The following ST3GAL3 variants were observed in gnomAD, a reference collection of about 807,000 sequenced individuals.
ST3GAL3 encodes ST3 beta-galactoside alpha-2,3-sialyltransferase 3.
Under a neutral mutation model 50.1 loss-of-function variants are expected in ST3GAL3, and 21 were observed. That is an observed-to-expected ratio of 0.42 (90% CI 0.30 to 0.60). The LOEUF (loss-of-function observed/expected upper bound fraction) is 0.60, where lower values mean the gene tolerates loss of function less well. ST3GAL3 is among the 20% of genes least tolerant of loss of function. The pLI, the probability that ST3GAL3 is intolerant of heterozygous loss-of-function variation, is 0.19. For missense variants in ST3GAL3, 353 were observed against 489.4 expected (o/e 0.72, Z 2.63); for synonymous variants, 183 against 190.0 (o/e 0.96, Z 0.30).
rs762480397 is a variant in ST3GAL3, at chr1:43,920,877, C to T, written c.987C>T (p.Pro329=). The change falls in exon 11 of 12, where the codon CCC becomes CCT. Residue 329 remains proline, a synonymous_variant. Transcript: ENST00000347631. ...GATTTGGCTATGACATGAGCACACCCAACGCACCCCTGCACTACTATGAGA... is the reference window on the plus strand; with the variant it reads ...GATTTGGCTATGACATGAGCACACCTAACGCACCCCTGCACTACTATGAGA... ...VAGFGYDMST[P]NAPLHYYETV... is the part of the protein sequence containing the mutation. 1.9e-6 allele frequency: 3 copies of T among 1,614,004 alleles called. No individual in the cohort carries two copies. In the African/African-American group the frequency reaches 4.0e-5, roughly 22 times the overall value.
intron 11 of ST3GAL3, among the ~76,000 whole-genome samples, chr1:43,924,667 G>T (rs532910225): frequency 6.6e-6 from 1 of 152,226 alleles, no homozygotes; most frequent in Non-Finnish European, 1.5e-5. Flanking sequence ...TCCTGAACCA[G>T]ATCTTTGGCT....
intron 9 of ST3GAL3, among the ~76,000 whole-genome samples, chr1:43,917,861 G>A (rs919684104): frequency 6.8e-6 from 1 of 147,782 alleles, no homozygotes; most frequent in African/African-American, 2.5e-5. Context: ...GTAGAAACGG[G>A]GTTTCACCAT....
chr1:43,806,054 G>A lies in ST3GAL3; in HGVS notation c.167-8837G>A, dbSNP rs568232198. Among the ~76,000 whole-genome samples the A allele has an allele frequency of 2.6e-5, 4 of 152,186 alleles. No homozygotes were observed. In the South Asian group the frequency reaches 8.3e-4, roughly 32 times the overall value. ...CGGCAAGGAATACTTTTCTAAAAGAGGGCCTTCGAACTAGGGTCTAAAGAA... is the reference window on the plus strand; with the variant it reads ...CGGCAAGGAATACTTTTCTAAAAGAAGGCCTTCGAACTAGGGTCTAAAGAA... On this transcript the variant is annotated intron_variant, in intron 3 of 11. Coordinates refer to ENST00000347631, the MANE Select transcript of ST3GAL3 (RefSeq NM_006279.5).
At chr1:43,763,469 G>A (rs1572371415) in intron 2 of ST3GAL3, among the ~76,000 whole-genome samples, 1 of 152,302 alleles carries the variant, frequency 6.6e-6, no homozygotes, top group East Asian at 1.9e-4. Flanking sequence ...GCATGGAGGA[G>A]TGGCGGATCA....
chr1:43,764,730 C>T (rs573390562), intron 2 of ST3GAL3, among the ~76,000 whole-genome samples: 4 of 152,322 alleles, frequency 2.6e-5, no homozygotes, highest in African/African-American at 7.2e-5. Flanking sequence ...TCCTCCTGAC[C>T]CGTCATTGGA....
chr1:43,741,633 T>C (rs1024293462), intron 2 of ST3GAL3, among the ~76,000 whole-genome samples: 2 of 152,304 alleles, frequency 1.3e-5, no homozygotes, highest in African/African-American at 4.8e-5. Context: ...TTTCTGGCCA[T>C]GTTTCTGGCC....
intron 1 of ST3GAL3, among the ~76,000 whole-genome samples, chr1:43,735,058 A>G (rs1051637353): frequency 2.6e-5 from 4 of 152,210 alleles, no homozygotes; most frequent in African/African-American, 9.6e-5. Context: ...TGACTAGAGC[A>G]TAGGGCACAA....
intron 2 of ST3GAL3, among the ~76,000 whole-genome samples, chr1:43,752,159 G>C (rs960480332): frequency 6.6e-6 from 1 of 152,114 alleles, no homozygotes; most frequent in Non-Finnish European, 1.5e-5. Context: ...AGCTCACAGT[G>C]TTCTAAAGCG....
At chr1:43,879,053 G>T (rs1353521128) in intron 5 of ST3GAL3, 2 of 456,214 alleles carry the variant, frequency 4.4e-6, no homozygotes, top group Non-Finnish European at 8.8e-6. Context: ...TGACATGTTA[G>T]AGAATGACTG....
At chr1:43,715,403 A>G (rs1246347916) in intron 1 of ST3GAL3, among the ~76,000 whole-genome samples, 1 of 152,062 alleles carries the variant, frequency 6.6e-6, no homozygotes, top group Non-Finnish European at 1.5e-5. Flanking sequence ...GTGAAACTTC[A>G]TATCTACCAA....
At chr1:43,863,541 C>G (rs750038756) in intron 5 of ST3GAL3, among the ~76,000 whole-genome samples, 2 of 152,218 alleles carry the variant, frequency 1.3e-5, no homozygotes, top group Non-Finnish European at 2.9e-5. Context: ...CATTTCTTCG[C>G]ACAAGTCACG....
chr1:43,784,667 A>G (rs1261328845), intron 2 of ST3GAL3, among the ~76,000 whole-genome samples: 1 of 152,212 alleles, frequency 6.6e-6, no homozygotes, highest in Non-Finnish European at 1.5e-5. Context: ...TCTCGAGCTT[A>G]GTAAGAACTC....
At chr1:43,747,800 C>T (rs1684431291) in intron 2 of ST3GAL3, among the ~76,000 whole-genome samples, 1 of 151,914 alleles carries the variant, frequency 6.6e-6, no homozygotes, top group African/African-American at 2.4e-5. Flanking sequence ...AGGCTGGTCT[C>T]AACCTCCTAA....
chr1:43,879,421 G>A lies in ST3GAL3; in HGVS notation c.303-14962G>A, dbSNP rs1241303965. On this transcript the variant is annotated intron_variant, in intron 5 of 11. Coordinates refer to ENST00000347631, the MANE Select transcript of ST3GAL3 (RefSeq NM_006279.5). Reference sequence around the variant, plus strand: ...GCCTCCTCGAGAGAATGGACTCTGAGAGAAAGACAAGAGCAGAAGCTGCAC... The same window carrying A: ...GCCTCCTCGAGAGAATGGACTCTGAAAGAAAGACAAGAGCAGAAGCTGCAC... The A allele has an allele frequency of 1.3e-5, 6 of 455,864 alleles. No homozygotes were observed. The East Asian group carries it at 4.2e-4, about 32-fold the overall frequency. 28.2% of individuals were successfully genotyped at this position (455,864 alleles called of 1,614,324 possible).
intron 2 of ST3GAL3, among the ~76,000 whole-genome samples, chr1:43,761,589 G>A (rs1344870712): frequency 6.6e-6 from 1 of 152,020 alleles, no homozygotes; most frequent in African/African-American, 2.4e-5. Flanking sequence ...TGTTTTAATT[G>A]TTGAATCTGT....
intron 3 of ST3GAL3, among the ~76,000 whole-genome samples, chr1:43,799,431 T>TTC (rs1390719692): frequency 1.3e-5 from 2 of 152,212 alleles, no homozygotes; most frequent in African/African-American, 4.8e-5. Context: ...TTGCTCACAG[T>TTC]TCTGAAGGCT....
chr1:43,767,472 C>G (rs1693524759), intron 2 of ST3GAL3, among the ~76,000 whole-genome samples: 1 of 151,882 alleles, frequency 6.6e-6, no homozygotes, highest in African/African-American at 2.4e-5. Flanking sequence ...CAGACCATAC[C>G]TAAAGCAAGT....
intron 4 of ST3GAL3, among the ~76,000 whole-genome samples, chr1:43,826,857 C>A (rs891170016): frequency 2.6e-5 from 4 of 152,076 alleles, no homozygotes; most frequent in African/African-American, 9.7e-5. Flanking sequence ...ATAATCATAT[C>A]CATAGATGTA....
intron 5 of ST3GAL3, among the ~76,000 whole-genome samples, chr1:43,843,567 T>G (rs567942038): frequency 6.6e-6 from 1 of 152,304 alleles, no homozygotes; most frequent in Non-Finnish European, 1.5e-5. Context: ...TGTGATGTCT[T>G]TAGTTTTGGT....
Sources: allele counts gnomAD v4.1 joint callset (sites outside exome capture counted in the v4.1 genomes callset), GRCh38; gene constraint gnomAD v4.1.1; transcripts MANE v1.5; gene names NCBI Gene and HGNC (gene_info 2026-07-23, HGNC 2026-07-21).